PARD3: variants seen among roughly 807,000 people sequenced by gnomAD.
PARD3 encodes the protein partitioning defective 3 homolog.
In PARD3, 75 loss-of-function variants were observed where a neutral mutation model predicts 155.4. The ratio of observed to expected loss-of-function variants is 0.48; its 90% confidence interval spans 0.40 to 0.58. The LOEUF (loss-of-function observed/expected upper bound fraction) is 0.58, where lower values mean the gene tolerates loss of function less well. Ranked by LOEUF, PARD3 falls within the 20% of genes least tolerant of loss-of-function variation. The probability of loss-of-function intolerance (pLI) is 0.00; values close to 1 mark genes in which losing one functional copy is unlikely to be tolerated. For missense variants in PARD3, 1,642 were observed against 1,721.7 expected, an observed-to-expected ratio of 0.95 and a Z score of 0.82; for synonymous variants, 576 against 610.5, an observed-to-expected ratio of 0.94 and a Z score of 0.83.
chr10:34,618,349 C>T (rs185578296), intron 2 of PARD3, among the ~76,000 whole-genome samples: 170 of 152,230 alleles, frequency 1.1e-3, no homozygotes, highest in African/African-American at 3.7e-3. Context: ...TAGTGACTCC[C>T]GCAAACACTG....
chr10:34,585,880 T>C (rs548231004), intron 2 of PARD3, among the ~76,000 whole-genome samples: 1 of 152,252 alleles, frequency 6.6e-6, no homozygotes, highest in African/African-American at 2.4e-5. Flanking sequence ...CACTGCCTCC[T>C]GAGAAGGAAA....
At chr10:34,169,742 G>A (rs543478419) in intron 22 of PARD3, among the ~76,000 whole-genome samples, 6 of 152,158 alleles carry the variant, frequency 3.9e-5, no homozygotes, top group African/African-American at 1.2e-4. Flanking sequence ...AAGATGGCAC[G>A]TATAGACTCA....
intron 2 of PARD3, among the ~76,000 whole-genome samples, chr10:34,636,562 A>G (rs1269286419): frequency 6.6e-6 from 1 of 152,182 alleles, no homozygotes; most frequent in African/African-American, 2.4e-5. Flanking sequence ...CGAAAATCAC[A>G]CTGCACCTAA....
chr10:34,499,025 T>G (rs2080484156), intron 3 of PARD3, among the ~76,000 whole-genome samples: 1 of 152,146 alleles, frequency 6.6e-6, no homozygotes, highest in Non-Finnish European at 1.5e-5. Context: ...TGAAACATCA[T>G]TTACTGTAGA....
chr10:34,712,343 T>C (rs1202027807), intron 1 of PARD3, among the ~76,000 whole-genome samples: 2 of 152,260 alleles, frequency 1.3e-5, no homozygotes, highest in African/African-American at 4.8e-5. Flanking sequence ...AATCTGTATC[T>C]GCAAGCTTCA....
intron 4 of PARD3, among the ~76,000 whole-genome samples, chr10:34,452,463 A>G (rs2077111075): frequency 6.6e-6 from 1 of 152,232 alleles, no homozygotes; most frequent in South Asian, 2.1e-4. Flanking sequence ...AGATAACTGG[A>G]TATTTGCATA....
chr10:34,252,934 G>C (rs1035346435), intron 22 of PARD3, among the ~76,000 whole-genome samples: 3 of 152,148 alleles, frequency 2.0e-5, no homozygotes, highest in African/African-American at 7.2e-5. Flanking sequence ...TAAATGGGTA[G>C]GATGTAGGAA....
At chr10:34,536,772 C>A (rs2083262320) in intron 2 of PARD3, among the ~76,000 whole-genome samples, 1 of 152,166 alleles carries the variant, frequency 6.6e-6, no homozygotes, top group Non-Finnish European at 1.5e-5. Context: ...TGGGTTGGCA[C>A]AGTGGCCTTG....
chr10:34,211,317 C>A (rs944009957), intron 22 of PARD3, among the ~76,000 whole-genome samples: 2 of 152,170 alleles, frequency 1.3e-5, no homozygotes, highest in Non-Finnish European at 2.9e-5. Flanking sequence ...CTTGCCTCTG[C>A]CAAGTCACCT....
At chr10:34,140,062 CA>C (rs757797054) in intron 22 of PARD3, among the ~76,000 whole-genome samples, 1 of 152,124 alleles carries the variant, frequency 6.6e-6, no homozygotes, top group Non-Finnish European at 1.5e-5. Flanking sequence ...TCATTAAACC[CA>C]TTACACCCCG....
intron 22 of PARD3, among the ~76,000 whole-genome samples, chr10:34,243,186 A>C (rs933145909): frequency 2.0e-5 from 3 of 152,212 alleles, no homozygotes; most frequent in African/African-American, 4.8e-5. Context: ...ACATTATGAA[A>C]TACTACTGCC....
chr10:34,725,389 AG>A (rs1225733889), intron 1 of PARD3, among the ~76,000 whole-genome samples: 1 of 152,074 alleles, frequency 6.6e-6, no homozygotes, highest in Non-Finnish European at 1.5e-5. Flanking sequence ...CCTGGCCTCT[AG>A]GTGATCCACC....
At chr10:34,690,239 C>T (rs1267908046) in intron 2 of PARD3, among the ~76,000 whole-genome samples, 1 of 152,114 alleles carries the variant, frequency 6.6e-6, no homozygotes, top group Non-Finnish European at 1.5e-5. Context: ...CCAGCATGCC[C>T]GGATGGCCTC....
At chr10:34,396,907 A>C (rs1009399126) in intron 7 of PARD3, among the ~76,000 whole-genome samples, 1 of 152,156 alleles carries the variant, frequency 6.6e-6, no homozygotes, top group African/African-American at 2.4e-5. Context: ...ATCTTCCGCA[A>C]CAAGCCATTT....
intron 1 of PARD3, among the ~76,000 whole-genome samples, chr10:34,703,740 C>T (rs958104093): frequency 2.6e-5 from 4 of 151,860 alleles, no homozygotes; most frequent in African/African-American, 2.4e-5. Flanking sequence ...GGAAGGAGAA[C>T]ATCCAGAAAA....
chr10:34,670,112 T>A (rs1464479183), intron 2 of PARD3, among the ~76,000 whole-genome samples: 1 of 152,240 alleles, frequency 6.6e-6, no homozygotes, highest in Non-Finnish European at 1.5e-5. Flanking sequence ...AGCAGGTGGC[T>A]TATCCGTGCT....
intron 2 of PARD3, among the ~76,000 whole-genome samples, chr10:34,649,442 T>C (rs904810700): frequency 1.3e-5 from 2 of 152,258 alleles, no homozygotes; most frequent in Admixed American, 6.5e-5. Context: ...CAACGTGTTA[T>C]TGTCTTGAAT....
intron 20 of PARD3, among the ~76,000 whole-genome samples, chr10:34,285,241 A>C (rs1956329887): frequency 6.6e-6 from 1 of 152,218 alleles, no homozygotes; most frequent in African/African-American, 2.4e-5. Context: ...AATAACATCA[A>C]TCTGGCGTAC....
chr10:34,518,258 G>A (rs570524633), intron 2 of PARD3, among the ~76,000 whole-genome samples: 1 of 152,300 alleles, frequency 6.6e-6, no homozygotes, highest in Admixed American at 6.5e-5. Context: ...GTTAATGAAT[G>A]TGTGAGTATA....
Sources: gnomAD v4.1 joint callset for allele counts (sites outside exome capture counted in the v4.1 genomes callset) on GRCh38, gnomAD v4.1.1 for gene constraint, MANE v1.5 for transcripts, NCBI Gene and HGNC (gene_info 2026-07-23, HGNC 2026-07-21) for gene names.